The following TOM1L2 variants were observed in gnomAD, a reference collection of about 807,000 sequenced individuals.
TOM1L2 encodes the protein target of myb1 like 2 membrane trafficking protein.
In TOM1L2, 31 loss-of-function variants were observed where a neutral mutation model predicts 67.9. The observed-to-expected ratio is 0.46, with a 90% CI of 0.34 to 0.62. TOM1L2 has a LOEUF of 0.62. TOM1L2 is among the 20% of genes least tolerant of loss of function. The probability of loss-of-function intolerance (pLI) is 0.01; values close to 1 mark genes in which losing one functional copy is unlikely to be tolerated. For synonymous variants in TOM1L2, 256 were observed against 254.0 expected (o/e 1.01, Z -0.07); for missense variants, 606 against 663.5 (o/e 0.91, Z 0.95).
At chr17:17,857,802 C>T in intron 12 of TOM1L2, 2 of 1,535,652 alleles carry the variant, frequency 1.3e-6, no homozygotes, top group South Asian at 1.2e-5. Context: ...TGTCTATGGG[C>T]TCCAGGTCAG....
chr17:17,869,680 C>A, intron 7 of TOM1L2: 1 of 1,375,154 alleles, frequency 7.3e-7, no homozygotes, highest in South Asian at 1.8e-5. Flanking sequence ...ACTTTTTCAG[C>A]AGACAAATGT....
At chr17:17,968,375 G>A (rs984193796) in intron 1 of TOM1L2, among the ~76,000 whole-genome samples, 5 of 152,248 alleles carry the variant, frequency 3.3e-5, no homozygotes, top group South Asian at 2.1e-4. Context: ...GTTAAAGAAC[G>A]TAGTCTTTGG....
At chr17:17,864,630 AC>A (rs1309800952) in intron 10 of TOM1L2, among the ~76,000 whole-genome samples, 1 of 149,756 alleles carries the variant, frequency 6.7e-6, no homozygotes, top group East Asian at 2.0e-4. Flanking sequence ...TCCTGCCTCA[AC>A]CCCCCTAGTA....
intron 1 of TOM1L2, among the ~76,000 whole-genome samples, chr17:17,941,625 T>A (rs908171885): frequency 3.3e-5 from 5 of 151,716 alleles, no homozygotes; most frequent in African/African-American, 1.2e-4. Flanking sequence ...AAAGGCAGAG[T>A]GGAACAATGG....
At chr17:17,944,439 C>T (rs1189605472) in intron 1 of TOM1L2, among the ~76,000 whole-genome samples, 1 of 152,160 alleles carries the variant, frequency 6.6e-6, no homozygotes, top group Non-Finnish European at 1.5e-5. Context: ...AAAATGACAC[C>T]GACAGCTTGA....
intron 1 of TOM1L2, among the ~76,000 whole-genome samples, chr17:17,926,228 G>A (rs528718799): frequency 6.7e-6 from 1 of 148,472 alleles, no homozygotes; most frequent in East Asian, 2.0e-4. Context: ...CTAAACATAA[G>A]TAAGCTTCAT....
Position 17,847,557 on chromosome 17 carries a change from T to C in TOM1L2, c.*78A>G, listed in dbSNP as rs1445822492. ...TGTGCAGGCCGTGTGGAGCTGGGGA[T>C]GTAGGAGTGGCCAGTGCCCGGTGTC... On this transcript the variant is annotated 3_prime_UTR_variant, in exon 15 of 15. Transcript: ENST00000379504. The C allele has an allele frequency of 1.2e-5, 18 of 1,515,882 alleles. No homozygotes were observed. Among genetic ancestry groups the C allele is most frequent in the Admixed American group, 2.0e-5 (1 of 50,410 alleles). The allele number at this position is 1,515,882 out of a possible 1,614,324, so 93.9% of individuals were successfully genotyped here.
chr17:17,856,267 A>C (rs566878013), intron 12 of TOM1L2, among the ~76,000 whole-genome samples: 1 of 152,400 alleles, frequency 6.6e-6, no homozygotes, highest in East Asian at 1.9e-4. Context: ...GCCAGAGGCC[A>C]GCCTGTCCCT....
intron 1 of TOM1L2, among the ~76,000 whole-genome samples, chr17:17,945,961 C>T (rs906729250): frequency 2.6e-5 from 4 of 152,034 alleles, no homozygotes; most frequent in African/African-American, 7.2e-5. Context: ...CTCAACCTCC[C>T]GGGCTCAGGT....
At chr17:17,876,504 T>A (rs2037429405) in intron 7 of TOM1L2, among the ~76,000 whole-genome samples, 1 of 152,204 alleles carries the variant, frequency 6.6e-6, no homozygotes, top group African/African-American at 2.4e-5. Context: ...TTAGTCTTGT[T>A]CTAGTGTCTA....
At chr17:17,931,803 G>A (rs1363390841) in intron 1 of TOM1L2, among the ~76,000 whole-genome samples, 2 of 152,124 alleles carry the variant, frequency 1.3e-5, no homozygotes, top group Admixed American at 6.5e-5. Context: ...GCCCCTTGAG[G>A]GTCTCAACAC....
At chr17:17,947,901 AT>A (rs963946515) in intron 1 of TOM1L2, among the ~76,000 whole-genome samples, 12 of 151,480 alleles carry the variant, frequency 7.9e-5, no homozygotes, top group African/African-American at 1.9e-4. Context: ...TCTTTGTTCT[AT>A]TTTTTTTTAA....
chr17:17,889,193 G>A (rs2038146338), intron 4 of TOM1L2, among the ~76,000 whole-genome samples: 1 of 152,214 alleles, frequency 6.6e-6, no homozygotes, highest in South Asian at 2.1e-4. Flanking sequence ...GATGGCTGGA[G>A]GGCAGCCAGA....
At chr17:17,884,811 G>T in intron 4 of TOM1L2, 43 bp from the exon 5 acceptor site, 2 of 1,609,816 alleles carry the variant, frequency 1.2e-6, no homozygotes, top group Non-Finnish European at 8.5e-7. Context: ...TCTCAGAGCT[G>T]CCATGGTATC....
rs184565189 is a variant in TOM1L2, at chr17:17,854,411, G to A, written c.1279-3459C>T. ...AGACACCAGGCCCTTAGGAGGCCTC[G>A]GTATCCTCATCTGTCAGACTAGGGG... On this transcript the variant is annotated intron_variant, in intron 12 of 14. Coordinates refer to ENST00000379504, the MANE Select transcript of TOM1L2 (RefSeq NM_001082968.2). 3.0e-4 allele frequency among the ~76,000 whole-genome samples: 45 copies of A among 152,282 alleles called. No homozygotes were observed. In the East Asian group the frequency reaches 3.3e-3, roughly 11 times the overall value.
At chr17:17,873,959 T>C (rs1295356860) in intron 7 of TOM1L2, among the ~76,000 whole-genome samples, 1 of 136,994 alleles carries the variant, frequency 7.3e-6, no homozygotes, top group Non-Finnish European at 1.5e-5. Context: ...TACTTACTTA[T>C]TTTTTTTTTT....
chr17:17,927,923 A>G (rs2040161935), intron 1 of TOM1L2, among the ~76,000 whole-genome samples: 1 of 152,172 alleles, frequency 6.6e-6, no homozygotes, highest in South Asian at 2.1e-4. Flanking sequence ...ACACCCAGTC[A>G]GCTATACTTT....
intron 1 of TOM1L2, among the ~76,000 whole-genome samples, chr17:17,912,763 T>C (rs897025718): frequency 5.9e-5 from 9 of 151,832 alleles, no homozygotes; most frequent in South Asian, 4.2e-4. Flanking sequence ...GCAGAGACGC[T>C]CCTCACTTCC....
intron 4 of TOM1L2, among the ~76,000 whole-genome samples, chr17:17,889,378 G>T (rs150345845): frequency 4.3e-4 from 66 of 152,304 alleles, no homozygotes; most frequent in African/African-American, 1.5e-3. Context: ...GTGGGCTGGG[G>T]GCAGGCAGAT....
Sources: gnomAD v4.1 joint callset for allele counts (sites outside exome capture counted in the v4.1 genomes callset) on GRCh38, gnomAD v4.1.1 for gene constraint, MANE v1.5 for transcripts, NCBI Gene and HGNC (gene_info 2026-07-23, HGNC 2026-07-21) for gene names.